DNAH11: variants seen among roughly 807,000 people sequenced by gnomAD.
DNAH11 encodes dynein axonemal heavy chain 11, also known as axonemal beta dynein heavy chain 11.
DNAH11 carries 442 observed loss-of-function variants against 526.0 expected under a neutral mutation model. That is an observed-to-expected ratio of 0.84 (90% CI 0.78 to 0.91). The LOEUF is 0.91. Among genes scored for constraint, DNAH11 ranks in the 40% least tolerant of loss-of-function variants. DNAH11 has a pLI of 0.00. For missense variants in DNAH11, 6,989 were observed against 5,448.7 expected, an observed-to-expected ratio of 1.28 and a Z score of -8.90; for synonymous variants, 2,461 against 1,935.9, an observed-to-expected ratio of 1.27 and a Z score of -7.12.
intron 65 of DNAH11, among the ~76,000 whole-genome samples, chr7:21,824,381 C>T (rs1208399704): frequency 6.6e-6 from 1 of 151,964 alleles, no homozygotes; most frequent in Non-Finnish European, 1.5e-5. Context: ...TGTATCAGTT[C>T]CATAAAGTCT....
At chr7:21,623,026 C>T (rs1370592765) in intron 25 of DNAH11, among the ~76,000 whole-genome samples, 1 of 151,968 alleles carries the variant, frequency 6.6e-6, no homozygotes, top group Non-Finnish European at 1.5e-5. Context: ...TCAGAGTGAA[C>T]AGGCAACCTA....
intron 73 of DNAH11, among the ~76,000 whole-genome samples, chr7:21,871,292 T>C (rs1035381849): frequency 6.6e-6 from 1 of 152,252 alleles, no homozygotes; most frequent in African/African-American, 2.4e-5. Context: ...TGACCATTTT[T>C]CATGCATTTC....
chr7:21,831,430 T>G (rs1167433562), intron 65 of DNAH11, among the ~76,000 whole-genome samples: 4 of 152,202 alleles, frequency 2.6e-5, no homozygotes, highest in African/African-American at 9.6e-5. Flanking sequence ...TAAAACCCAC[T>G]GAGTCATTAT....
chr7:21,758,245 C>T (rs1460450439), intron 54 of DNAH11, among the ~76,000 whole-genome samples: 2 of 152,174 alleles, frequency 1.3e-5, no homozygotes, highest in Admixed American at 1.3e-4. Context: ...TATTATTTGA[C>T]ATAAGTAGAA....
At chr7:21,648,466 A>G (rs905350712) in intron 28 of DNAH11, among the ~76,000 whole-genome samples, 10 of 152,188 alleles carry the variant, frequency 6.6e-5, no homozygotes, top group African/African-American at 2.4e-4. Context: ...TAACCATCCC[A>G]TCATGAATGG....
intron 28 of DNAH11, among the ~76,000 whole-genome samples, chr7:21,645,065 T>C (rs1787291906): frequency 6.6e-6 from 1 of 152,240 alleles, no homozygotes; most frequent in South Asian, 2.1e-4. Context: ...AATGTATAAG[T>C]TGTACAACAA....
intron 6 of DNAH11, among the ~76,000 whole-genome samples, chr7:21,567,491 TG>T (rs1783715303): frequency 6.6e-6 from 1 of 152,342 alleles, no homozygotes; most frequent in East Asian, 1.9e-4. Context: ...ATACTTAAAT[TG>T]GATAGATCTC....
chr7:21,686,749 A>G (rs562316788), intron 32 of DNAH11, among the ~76,000 whole-genome samples: 5 of 152,278 alleles, frequency 3.3e-5, no homozygotes, highest in Admixed American at 2.0e-4. Context: ...TTTATAAACA[A>G]TAGTTTGGAT....
At chr7:21,605,439 T>A (rs1785243449) in intron 18 of DNAH11, among the ~76,000 whole-genome samples, 1 of 152,244 alleles carries the variant, frequency 6.6e-6, no homozygotes, top group Admixed American at 6.5e-5. Context: ...AACTTGCTTT[T>A]GTCCTATTTG....
intron 36 of DNAH11, among the ~76,000 whole-genome samples, chr7:21,702,122 A>G (rs1784089046): frequency 6.6e-6 from 1 of 152,208 alleles, no homozygotes; most frequent in Non-Finnish European, 1.5e-5. Flanking sequence ...CAGAAGTAAT[A>G]TTCTGAGATC....
rs188438034 is a variant in DNAH11, at chr7:21,658,041, C to T, written c.5095-757C>T. On this transcript the variant is annotated intron_variant, in intron 29 of 81. Transcript: ENST00000409508. The stretch of plus-strand genomic sequence containing the variant: ...TTATTTGCAAATAATATATGTATCA[C>T]TTTAATTATATGATATCCTAAGAAA... Among the ~76,000 whole-genome samples the T allele has an allele frequency of 3.9e-5, 6 of 152,090 alleles. No homozygotes were observed. The East Asian group carries it at 9.7e-4, about 25-fold the overall frequency.
At chr7:21,730,515 C>T (rs774828052) in intron 45 of DNAH11, among the ~76,000 whole-genome samples, 3 of 152,190 alleles carry the variant, frequency 2.0e-5, no homozygotes, top group African/African-American at 4.8e-5. Flanking sequence ...ACCTTTCAGC[C>T]TTTAACAAGA....
chr7:21,740,274 C>A (rs1448111618), intron 48 of DNAH11, among the ~76,000 whole-genome samples: 1 of 152,088 alleles, frequency 6.6e-6, no homozygotes, highest in African/African-American at 2.4e-5. Context: ...GTGTACAGTT[C>A]AGTAATATTA....
intron 74 of DNAH11, among the ~76,000 whole-genome samples, chr7:21,875,294 G>T (rs1783661367): frequency 6.6e-6 from 1 of 152,024 alleles, no homozygotes; most frequent in East Asian, 1.9e-4. Context: ...ATACAAAGAG[G>T]AATTTGATTT....
At chr7:21,593,254 A>G (rs1422143142) in intron 14 of DNAH11, among the ~76,000 whole-genome samples, 2 of 152,314 alleles carry the variant, frequency 1.3e-5, no homozygotes, top group African/African-American at 4.8e-5. Flanking sequence ...GGACCTGAAA[A>G]TAAAGACGGA....
intron 30 of DNAH11, among the ~76,000 whole-genome samples, chr7:21,673,944 T>C (rs1782747242): frequency 1.3e-5 from 2 of 152,034 alleles, no homozygotes; most frequent in South Asian, 4.2e-4. Context: ...CCTAGAAAAC[T>C]TGGGCTGCTG....
At chr7:21,593,154 A>G (rs1242631392) in intron 14 of DNAH11, among the ~76,000 whole-genome samples, 3 of 152,188 alleles carry the variant, frequency 2.0e-5, no homozygotes, top group Non-Finnish European at 4.4e-5. Flanking sequence ...CACAGAGGAT[A>G]CTGAAAAAGA....
chr7:21,546,041 C>T (rs1356796706), intron 2 of DNAH11, among the ~76,000 whole-genome samples: 3 of 152,158 alleles, frequency 2.0e-5, no homozygotes, highest in African/African-American at 7.2e-5. Context: ...GCTTTGGGAG[C>T]CACTGGGTTA....
rs752154065 is a variant in DNAH11, at chr7:21,735,836, C to A, written c.7637C>A (p.Ala2546Asp). Reference sequence around the variant, plus strand: ...TTCAACTACTACACGACATCCACAGCTCTGCAAAGTAAGTGCACCTGTTTA... The same window carrying A: ...TTCAACTACTACACGACATCCACAGATCTGCAAAGTAAGTGCACCTGTTTA... ...VPFNYYTTST[A>D]LQKILEKPLE... The change falls in exon 46 of 82, where the codon GCT (alanine) becomes GAT (aspartate). Residue 2546 changes from alanine to aspartate, a missense_variant. Ala to Asp is a moderately radical substitution (Grantham distance 126). Coordinates refer to ENST00000409508, the MANE Select transcript of DNAH11 (RefSeq NM_001277115.2). The A allele has an allele frequency of 6.2e-7, 1 of 1,602,992 alleles. No homozygotes were observed. The highest frequency in any genetic ancestry group is 8.5e-7 in the Non-Finnish European group (1 of 1,172,830).
Sources: allele counts gnomAD v4.1 joint callset (sites outside exome capture counted in the v4.1 genomes callset), GRCh38; gene constraint gnomAD v4.1.1; transcripts MANE v1.5; gene names NCBI Gene and HGNC (gene_info 2026-07-23, HGNC 2026-07-21).